The following SMOC2 variants were observed in gnomAD, a reference collection of about 807,000 sequenced individuals.
The protein encoded by SMOC2 is SPARC related modular calcium binding 2, also known as SPARC-related modular calcium-binding protein 2.
Under a neutral mutation model 61.4 loss-of-function variants are expected in SMOC2, and 39 were observed. The observed-to-expected ratio is 0.64, with a 90% CI of 0.49 to 0.83. SMOC2 has a LOEUF of 0.83. Among genes scored for constraint, SMOC2 ranks in the 40% least tolerant of loss-of-function variants. The pLI, the probability that SMOC2 is intolerant of heterozygous loss-of-function variation, is 0.00. For missense variants in SMOC2, 556 were observed against 592.9 expected (o/e 0.94, Z 0.65); for synonymous variants, 247 against 239.9 (o/e 1.03, Z -0.27).
intron 7 of SMOC2, among the ~76,000 whole-genome samples, chr6:168,592,232 T>A (rs889969573): frequency 6.6e-6 from 1 of 152,222 alleles, no homozygotes; most frequent in Non-Finnish European, 1.5e-5. Context: ...TCAGTTCTCT[T>A]TTTCCTGCGC....
At chr6:168,529,570 C>T (rs148937313) in intron 4 of SMOC2, among the ~76,000 whole-genome samples, 1 of 152,210 alleles carries the variant, frequency 6.6e-6, no homozygotes, top group East Asian at 1.9e-4. Flanking sequence ...CCAGGCTTCC[C>T]CTCCGCACAC....
At chr6:168,610,421 G>A (rs948048779) in intron 9 of SMOC2, among the ~76,000 whole-genome samples, 1 of 152,216 alleles carries the variant, frequency 6.6e-6, no homozygotes, top group Non-Finnish European at 1.5e-5. Context: ...GAAAAAACAA[G>A]TAGGTCTTAA....
chr6:168,629,762 C>T (rs1007436508), intron 9 of SMOC2, among the ~76,000 whole-genome samples: 4 of 152,124 alleles, frequency 2.6e-5, no homozygotes, highest in Non-Finnish European at 5.9e-5. Flanking sequence ...GGAAGCTGGT[C>T]CCAGAGCTGT....
At chr6:168,442,599 C>G (rs73791023) in intron 1 of SMOC2, among the ~76,000 whole-genome samples, 1 of 152,262 alleles carries the variant, frequency 6.6e-6, no homozygotes, top group African/African-American at 2.4e-5. Context: ...TTTAAGTGGC[C>G]GGGGACTTGT....
chr6:168,565,873 G>A (rs1442578654), intron 7 of SMOC2, among the ~76,000 whole-genome samples: 2 of 152,150 alleles, frequency 1.3e-5, no homozygotes, highest in Non-Finnish European at 2.9e-5. Flanking sequence ...AAAGAGGTTT[G>A]GGGGATTCTC....
intron 9 of SMOC2, among the ~76,000 whole-genome samples, chr6:168,627,126 C>T (rs1472660529): frequency 6.6e-6 from 1 of 152,182 alleles, no homozygotes; most frequent in Non-Finnish European, 1.5e-5. Context: ...ATGAAACACA[C>T]CCCCAGCTCC....
Position 168,666,577 on chromosome 6 carries a change from A to G in SMOC2, c.*139A>G. 1 of 927,910 alleles carries G rather than the reference A, an allele frequency of 1.1e-6. No individual in the cohort carries two copies. The highest frequency in any genetic ancestry group is 2.5e-5 in the East Asian group (1 of 39,844). The allele number at this position is 927,910 out of a possible 1,614,324, so 57.5% of individuals were successfully genotyped here. ...TAAATTCACTTTGTAGAAATGAGCT[A>G]TTTAAACAGACTGTTTTAATCTGTG... is the stretch of plus-strand genomic sequence containing the variant. On this transcript the variant is annotated 3_prime_UTR_variant, in exon 13 of 13. Coordinates refer to ENST00000356284, the MANE Select transcript of SMOC2 (RefSeq NM_001166412.2).
At chr6:168,487,859 G>A (rs1209690791) in intron 1 of SMOC2, among the ~76,000 whole-genome samples, 1 of 152,200 alleles carries the variant, frequency 6.6e-6, no homozygotes, top group Non-Finnish European at 1.5e-5. Flanking sequence ...CGTTGATGTA[G>A]TTCCCTTTTA....
intron 1 of SMOC2, among the ~76,000 whole-genome samples, chr6:168,470,535 G>T (rs769570465): frequency 2.0e-5 from 3 of 151,986 alleles, no homozygotes; most frequent in African/African-American, 4.8e-5. Flanking sequence ...AATTAACCAG[G>T]TGTTAGTGGC....
At chr6:168,529,018 G>A (rs1783520506) in intron 4 of SMOC2, among the ~76,000 whole-genome samples, 1 of 152,164 alleles carries the variant, frequency 6.6e-6, no homozygotes, top group Non-Finnish European at 1.5e-5. Flanking sequence ...TATTTCCGTT[G>A]CTTTAGTGAT....
At position 168,441,267 on chromosome 6, in the gene SMOC2, C is replaced by G; in HGVS notation, c.-104C>G. 2.2e-6 allele frequency: 3 copies of G among 1,375,552 alleles called. No individual in the cohort carries two copies. The South Asian group carries it at 5.1e-5, about 24-fold the overall frequency. 85.2% of individuals were successfully genotyped at this position (1,375,552 alleles called of 1,614,324 possible). Reference sequence around the variant, plus strand: ...GGTGGGGAGAGCATCGCGGAGCCGCCCCTCCACGCGCCCGCCCAGCCGCGC... The same window carrying G: ...GGTGGGGAGAGCATCGCGGAGCCGCGCCTCCACGCGCCCGCCCAGCCGCGC... On this transcript the variant is annotated 5_prime_UTR_variant, in exon 1 of 13. Coordinates refer to ENST00000356284, the MANE Select transcript of SMOC2 (RefSeq NM_001166412.2).
intron 6 of SMOC2, 25 bp downstream of exon 6, chr6:168,547,194 G>C: frequency 6.2e-7 from 1 of 1,610,502 alleles, no homozygotes; most frequent in Non-Finnish European, 8.5e-7. Flanking sequence ...GGATTGCACA[G>C]TCTGGGTTGG....
chr6:168,649,067 C>G (rs4708372), intron 9 of SMOC2, among the ~76,000 whole-genome samples: 98,530 of 151,850 alleles, frequency 0.65, 32,049 homozygotes, highest in Admixed American at 0.7. Flanking sequence ...TGTCCTGTTG[C>G]CTGAGGAGTC....
chr6:168,533,185 A>G (rs1783653921), intron 4 of SMOC2, among the ~76,000 whole-genome samples: 2 of 152,106 alleles, frequency 1.3e-5, no homozygotes, highest in African/African-American at 4.8e-5. Context: ...TGGTCTGAAC[A>G]TGACTATGCG....
chr6:168,568,419 A>G (rs1216382325), intron 7 of SMOC2, among the ~76,000 whole-genome samples: 10 of 152,244 alleles, frequency 6.6e-5, no homozygotes, highest in Admixed American at 2.0e-4. Context: ...AACATCATGC[A>G]TTAGTGTGGT....
chr6:168,473,514 T>G (rs1272767758), intron 1 of SMOC2, among the ~76,000 whole-genome samples: 2 of 152,194 alleles, frequency 1.3e-5, no homozygotes, highest in African/African-American at 4.8e-5. Flanking sequence ...GCTTATTCTC[T>G]TGAAGGAGCA....
chr6:168,518,839 ATGCG>A (rs1562566719), intron 2 of SMOC2, among the ~76,000 whole-genome samples: 16 of 147,076 alleles, frequency 1.1e-4, no homozygotes, highest in Non-Finnish European at 1.8e-4. Context: ...ATGAGTGTGC[ATGCG>A]TGTGTGTGCC....
chr6:168,560,348 T>G (rs900028944), intron 7 of SMOC2, among the ~76,000 whole-genome samples: 1 of 152,256 alleles, frequency 6.6e-6, no homozygotes. Flanking sequence ...CCTTCTTCAG[T>G]TATATGTTGC....
At chr6:168,611,847 G>A (rs73044047) in intron 9 of SMOC2, among the ~76,000 whole-genome samples, 7 of 152,224 alleles carry the variant, frequency 4.6e-5, no homozygotes, top group Non-Finnish European at 7.4e-5. Flanking sequence ...ACATCCTTCA[G>A]GACGGCTTCC....
Sources: allele counts gnomAD v4.1 joint callset (sites outside exome capture counted in the v4.1 genomes callset), GRCh38; gene constraint gnomAD v4.1.1; transcripts MANE v1.5; gene names NCBI Gene and HGNC (gene_info 2026-07-23, HGNC 2026-07-21).